GRM1: variants seen among roughly 807,000 people sequenced by gnomAD.
The protein encoded by GRM1 is metabotropic glutamate receptor 1.
GRM1 carries 33 observed loss-of-function variants against 90.9 expected under a neutral mutation model. That is an observed-to-expected ratio of 0.36 (90% confidence interval 0.28 to 0.49). The LOEUF (loss-of-function observed/expected upper bound fraction) is 0.49. Ranked by LOEUF, GRM1 falls within the 20% of genes least tolerant of loss-of-function variation. GRM1 has a pLI of 0.99. For missense variants in GRM1, 1,190 were observed against 1,534.3 expected (o/e 0.78, Z 3.75); for synonymous variants, 700 against 613.2 (o/e 1.14, Z -2.09).
At chr6:146,164,542 G>A (rs956193791) in intron 2 of GRM1, among the ~76,000 whole-genome samples, 9 of 152,102 alleles carry the variant, frequency 5.9e-5, no homozygotes, top group Non-Finnish European at 1.5e-5. Context: ...ACCTAGTTTG[G>A]TAAGGGTTGA....
At chr6:146,340,016 T>C (rs1784912342) in intron 3 of GRM1, among the ~76,000 whole-genome samples, 1 of 152,188 alleles carries the variant, frequency 6.6e-6, no homozygotes, top group African/African-American at 2.4e-5. Flanking sequence ...CAGTTTACAT[T>C]AGCAGTTGCA....
chr6:146,034,237 T>C (rs758996284), intron 1 of GRM1, among the ~76,000 whole-genome samples: 4 of 152,068 alleles, frequency 2.6e-5, no homozygotes, highest in Admixed American at 6.6e-5. Flanking sequence ...CCACCAATCC[T>C]TCATTGAAGA....
At chr6:146,277,000 C>T (rs1417869919) in intron 2 of GRM1, among the ~76,000 whole-genome samples, 1 of 152,074 alleles carries the variant, frequency 6.6e-6, no homozygotes, top group East Asian at 1.9e-4. Flanking sequence ...CCCAGCTACT[C>T]AGGAGGCTGA....
At chr6:146,339,381 C>A (rs753837338) in intron 3 of GRM1, among the ~76,000 whole-genome samples, 1 of 152,116 alleles carries the variant, frequency 6.6e-6, no homozygotes, top group Non-Finnish European at 1.5e-5. Context: ...ATAATCTGAA[C>A]TTTTCCCTTT....
At chr6:146,369,589 G>A (rs191025349) in intron 5 of GRM1, among the ~76,000 whole-genome samples, 14 of 152,046 alleles carry the variant, frequency 9.2e-5, no homozygotes, top group Middle Eastern at 3.4e-3. Flanking sequence ...TGGTCATTCA[G>A]TAGCGTGTCA....
chr6:146,196,520 T>C (rs1040340713), intron 2 of GRM1, among the ~76,000 whole-genome samples: 2 of 145,542 alleles, frequency 1.4e-5, no homozygotes, highest in Non-Finnish European at 3.0e-5. Context: ...TTAGCCAGGA[T>C]GGTCTCGATC....
intron 2 of GRM1, among the ~76,000 whole-genome samples, chr6:146,220,974 C>T (rs780839563): frequency 6.6e-5 from 10 of 151,794 alleles, no homozygotes; most frequent in Admixed American, 1.3e-4. Context: ...AGGTGAGAGA[C>T]GACCACAGAG....
intron 1 of GRM1, among the ~76,000 whole-genome samples, chr6:146,110,926 A>G (rs1775534259): frequency 6.6e-6 from 1 of 152,236 alleles, no homozygotes; most frequent in Non-Finnish European, 1.5e-5. Context: ...AGGAGAGAGA[A>G]GGGTTTTAAA....
chr6:146,132,053 T>C (rs1331535974), intron 1 of GRM1, among the ~76,000 whole-genome samples: 3 of 152,090 alleles, frequency 2.0e-5, no homozygotes, highest in Non-Finnish European at 2.9e-5. Context: ...AGAAGTCCAA[T>C]GTGGCTGTAA....
At chr6:146,173,880 A>G (rs1368361588) in intron 2 of GRM1, among the ~76,000 whole-genome samples, 1 of 151,542 alleles carries the variant, frequency 6.6e-6, no homozygotes, top group Non-Finnish European at 1.5e-5. Context: ...CTGGTCTCAA[A>G]CTCCTGACCT....
intron 1 of GRM1, among the ~76,000 whole-genome samples, chr6:146,148,896 A>G (rs1481942538): frequency 6.6e-6 from 1 of 152,142 alleles, no homozygotes; most frequent in Non-Finnish European, 1.5e-5. Context: ...TTATATACCA[A>G]TACCACATAG....
chr6:146,031,115 T>C (rs937579699), intron 1 of GRM1, among the ~76,000 whole-genome samples: 1 of 152,200 alleles, frequency 6.6e-6, no homozygotes, highest in African/African-American at 2.4e-5. Flanking sequence ...GACTTATGGA[T>C]GTGAATTTTC....
intron 3 of GRM1, among the ~76,000 whole-genome samples, chr6:146,324,160 A>G (rs1379156001): frequency 6.6e-6 from 1 of 152,170 alleles, no homozygotes; most frequent in Non-Finnish European, 1.5e-5. Context: ...GGCTCCACCC[A>G]GTTGGAAATT....
chr6:146,137,266 C>T (rs77783587), intron 1 of GRM1, among the ~76,000 whole-genome samples: 457 of 152,160 alleles, frequency 3.0e-3, no homozygotes, highest in African/African-American at 0.011. Flanking sequence ...AGAGTTTCCT[C>T]GATGTTTTAT....
intron 3 of GRM1, among the ~76,000 whole-genome samples, chr6:146,309,879 C>T (rs916350977): frequency 1.3e-5 from 2 of 152,150 alleles, no homozygotes; most frequent in Non-Finnish European, 2.9e-5. Flanking sequence ...TATTTGCATA[C>T]TTAATATTTG....
intron 1 of GRM1, among the ~76,000 whole-genome samples, chr6:146,118,030 A>G (rs1775822816): frequency 1.3e-5 from 2 of 152,000 alleles, no homozygotes; most frequent in Non-Finnish European, 1.5e-5. Context: ...GCTGCAATGT[A>G]GTATAAAAAA....
At chr6:146,042,454 T>C (rs1467348734) in intron 1 of GRM1, among the ~76,000 whole-genome samples, 2 of 151,858 alleles carry the variant, frequency 1.3e-5, no homozygotes, top group Non-Finnish European at 2.9e-5. Flanking sequence ...AAAGGAAAAT[T>C]TGAAGATAAT....
intron 2 of GRM1, among the ~76,000 whole-genome samples, chr6:146,173,338 C>T (rs1778207416): frequency 6.8e-6 from 1 of 146,620 alleles, no homozygotes; most frequent in African/African-American, 2.5e-5. Context: ...TGCAGTGAGC[C>T]GAGACTGCAC....
At chr6:146,277,599 C>A (rs557117235) in intron 2 of GRM1, among the ~76,000 whole-genome samples, 210 of 152,302 alleles carry the variant, frequency 1.4e-3, no homozygotes, top group Non-Finnish European at 1.9e-3. Flanking sequence ...ACTATCCATG[C>A]AACTGCCTTG....
Sources: allele counts gnomAD v4.1 joint callset (sites outside exome capture counted in the v4.1 genomes callset), GRCh38; gene constraint gnomAD v4.1.1; transcripts MANE v1.5; gene names NCBI Gene and HGNC (gene_info 2026-07-23, HGNC 2026-07-21).